Variants in RNASEH2B observed in about 807,000 individuals in gnomAD.
RNASEH2B encodes the protein Aicardi-Goutieres syndrome 2 protein.
RNASEH2B carries 36 observed loss-of-function variants against 45.0 expected under a neutral mutation model. The ratio of observed to expected loss-of-function variants is 0.80; its 90% CI spans 0.61 to 1.06. RNASEH2B has a LOEUF of 1.06. Among genes scored for constraint, RNASEH2B ranks in the 50% least tolerant of loss-of-function variants. RNASEH2B has a pLI of 0.00. For missense variants in RNASEH2B, 361 were observed against 360.3 expected, an observed-to-expected ratio of 1.00 and a Z score of -0.02; for synonymous variants, 119 against 125.7, an observed-to-expected ratio of 0.95 and a Z score of 0.35.
chr13:50,925,009 C>T (rs1476265041), intron 1 of RNASEH2B, among the ~76,000 whole-genome samples: 3 of 151,574 alleles, frequency 2.0e-5, no homozygotes, highest in African/African-American at 4.8e-5. Flanking sequence ...GTTCCCTCTT[C>T]TCCTTTTGGA....
At chr13:50,959,349 T>C (rs564001705), downstream of RNASEH2B, 1 of 152,340 alleles carries the variant, frequency 6.6e-6, no homozygotes, top group East Asian at 1.9e-4. Flanking sequence ...ACATAAACTT[T>C]TCCTTTACAC....
At chr13:50,927,106 C>T in intron 1 of RNASEH2B, 2 of 362,154 alleles carry the variant, frequency 5.5e-6, no homozygotes, top group South Asian at 4.7e-5. Flanking sequence ...GAGATTAAGA[C>T]CCTTGCCCAG....
At chr13:50,928,989 A>C (rs1450570980) in intron 2 of RNASEH2B, among the ~76,000 whole-genome samples, 1 of 124,858 alleles carries the variant, frequency 8.0e-6, no homozygotes, top group Non-Finnish European at 1.6e-5. Context: ...AAATTCATTC[A>C]GTTGAATAAA....
intron 3 of RNASEH2B, 70 bp from the exon 4 acceptor site, chr13:50,930,613 G>A: frequency 1.8e-6 from 2 of 1,105,066 alleles, no homozygotes; most frequent in Non-Finnish European, 2.8e-6. Context: ...TTCACTTTGA[G>A]ATTAAGGTGA....
At chr13:50,913,365 G>A (rs1879541615) in intron 1 of RNASEH2B, among the ~76,000 whole-genome samples, 1 of 152,022 alleles carries the variant, frequency 6.6e-6, no homozygotes, top group African/African-American at 2.4e-5. Context: ...GATGTACCCA[G>A]GTGTGAGAGG....
At position 50,936,833 on chromosome 13, in the gene RNASEH2B, GCTCT is replaced by G. The variant is rs1435205476; in HGVS notation, c.436+1839_436+1842del. 3.9e-5 allele frequency: 6 copies of G among 152,262 alleles called. No homozygotes were observed. In the East Asian group the frequency reaches 9.7e-4, roughly 25 times the overall value. 9.4% of individuals were successfully genotyped at this position (152,262 alleles called of 1,614,324 possible). A position where few individuals can be genotyped will look rare whatever the true frequency, so the allele number is the denominator to read the frequency against. Reference sequence around the variant, plus strand: ...TACAGTCTGCAGCCGAGAGCAAGAGGCTCTCTCTGTGTCATCCCTTCCCTCTTGT... The same window carrying G: ...TACAGTCTGCAGCCGAGAGCAAGAGGCTCTGTGTCATCCCTTCCCTCTTGT... On this transcript the variant is annotated intron_variant, in intron 5 of 10. Coordinates refer to ENST00000336617, the MANE Select transcript of RNASEH2B (RefSeq NM_024570.4).
At chr13:50,920,007 G>GTGTTTTGTTT (rs201084919) in intron 1 of RNASEH2B, among the ~76,000 whole-genome samples, 1,902 of 149,770 alleles carry the variant, frequency 0.013, 43 homozygotes, top group African/African-American at 0.044. Flanking sequence ...TTTGTTGAGG[G>GTGTTTTGTTT]TGTTTTGTTT....
At chr13:50,957,237 C>G (rs1952063373), downstream of RNASEH2B, among the ~76,000 whole-genome samples, 1 of 152,006 alleles carries the variant, frequency 6.6e-6, no homozygotes, top group Admixed American at 6.6e-5. Context: ...ATTTTTCAAG[C>G]CTTGCTCTCC....
chr13:50,956,391 T>C lies in RNASEH2B; in HGVS notation c.856T>C (p.Leu286=). The C allele has an allele frequency of 6.2e-7, 1 of 1,603,632 alleles. No individual in the cohort carries two copies. Among genetic ancestry groups the C allele is most frequent in the Non-Finnish European group, 8.5e-7 (1 of 1,173,320 alleles). ...NSKMTAAQKA[L]AKVDKSGMKS... ...CAAAATGACTGCAGCTCAGAAGGCT[T>C]TGGCTAAAGTTGACAAGAGTGGAAT... Residue 286 remains leucine (L), a synonymous_variant, in exon 11 of 11, where the codon TTG becomes CTG. Coordinates refer to ENST00000336617, the MANE Select transcript of RNASEH2B (RefSeq NM_024570.4).
chr13:50,949,609 C>G, intron 9 of RNASEH2B, 104 bp downstream of exon 9: 1 of 1,043,964 alleles, frequency 9.6e-7, no homozygotes, highest in Admixed American at 1.8e-5. Context: ...GTACTAAATC[C>G]ATTTTGCATG....
chr13:50,954,029 C>G, intron 10 of RNASEH2B, 44 bp downstream of exon 10: 1 of 1,175,234 alleles, frequency 8.5e-7, no homozygotes, highest in East Asian at 2.3e-5. Flanking sequence ...ATACTCAGTG[C>G]GTGATGTGCA....
intron 9 of RNASEH2B, chr13:50,969,899 A>G (rs1952203818): frequency 8.4e-6 from 13 of 1,548,946 alleles, no homozygotes; most frequent in Non-Finnish European, 1.1e-5. Context: ...TCTCCTCACC[A>G]GGACACACCA....
rs1332655890 is a variant in RNASEH2B, at chr13:50,940,315, A to T, written c.437-3006A>T. ...AACTTTGGGGGATGATGCTTACATG[A>T]CTGCATACATTTTTCCAAACTCCTC... On this transcript the variant is annotated intron_variant, in intron 5 of 10. Coordinates refer to ENST00000336617, the MANE Select transcript of RNASEH2B (RefSeq NM_024570.4). Among the ~76,000 whole-genome samples the T allele has an allele frequency of 2.0e-5, 3 of 152,312 alleles. No individual in the cohort carries two copies. The East Asian group carries it at 5.8e-4, about 29-fold the overall frequency.
chr13:50,940,079 A>C (rs540287663), intron 5 of RNASEH2B, among the ~76,000 whole-genome samples: 1 of 152,356 alleles, frequency 6.6e-6, no homozygotes, highest in African/African-American at 2.4e-5. Context: ...TCCCTGGTAC[A>C]AAGTAAGGAA....
chr13:50,913,884 G>A (rs1470859218), intron 1 of RNASEH2B, among the ~76,000 whole-genome samples: 2 of 152,074 alleles, frequency 1.3e-5, no homozygotes, highest in South Asian at 2.1e-4. Flanking sequence ...TTTCCAATTG[G>A]AATGCAAAAA....
At chr13:50,952,732 T>G (rs1387187079) in intron 9 of RNASEH2B, 2 of 152,216 alleles carry the variant, frequency 1.3e-5, no homozygotes, top group Non-Finnish European at 2.9e-5. Context: ...GTTGCAAATA[T>G]ACATTCACTT....
downstream of RNASEH2B, among the ~76,000 whole-genome samples, chr13:50,957,323 T>G (rs2138030086): frequency 6.6e-6 from 1 of 152,294 alleles, no homozygotes; most frequent in Non-Finnish European, 1.5e-5. Flanking sequence ...TGTTTAGCTC[T>G]TACTTATAAG....
At chr13:50,917,900 T>C (rs1382129721) in intron 1 of RNASEH2B, among the ~76,000 whole-genome samples, 1 of 152,152 alleles carries the variant, frequency 6.6e-6, no homozygotes, top group African/African-American at 2.4e-5. Context: ...CTGTCTTTTC[T>C]AGCACTCCAC....
chr13:50,917,808 G>C (rs977855923), intron 1 of RNASEH2B, among the ~76,000 whole-genome samples: 4 of 152,124 alleles, frequency 2.6e-5, no homozygotes, highest in South Asian at 2.1e-4. Context: ...GTCTCAAACT[G>C]CTCTCAGTTT....
Sources: allele counts gnomAD v4.1 joint callset (sites outside exome capture counted in the v4.1 genomes callset), GRCh38; gene constraint gnomAD v4.1.1; transcripts MANE v1.5; gene names NCBI Gene and HGNC (gene_info 2026-07-23, HGNC 2026-07-21).